Variants in MYO9B observed in about 807,000 individuals in gnomAD.
MYO9B encodes the protein myosin IXB.
A neutral mutation model predicts 229.5 loss-of-function variants in MYO9B; 71 were observed. The ratio of observed to expected loss-of-function variants is 0.31; its 90% CI spans 0.26 to 0.38. The LOEUF is 0.38. MYO9B is among the 10% of genes least tolerant of loss of function. The pLI is 1.00. For missense variants in MYO9B, 2,255 were observed against 2,920.5 expected (o/e 0.77, Z 5.25); for synonymous variants, 1,185 against 1,235.8 (o/e 0.96, Z 0.86).
chr19:17,081,403 C>G (rs2057532692), intron 1 of MYO9B, among the ~76,000 whole-genome samples: 1 of 152,190 alleles, frequency 6.6e-6, no homozygotes, highest in African/African-American at 2.4e-5. Context: ...CATTTTGTCT[C>G]TTCTCACTCC....
intron 36 of MYO9B, 33 bp downstream of exon 36, chr19:17,209,742 T>C: frequency 6.2e-7 from 1 of 1,610,544 alleles, no homozygotes; most frequent in Non-Finnish European, 8.5e-7. Context: ...GCGGGACCTC[T>C]TTGGTGGGGC....
At chr19:17,211,192 G>C (rs2073224842) in intron 38 of MYO9B, among the ~76,000 whole-genome samples, 1 of 151,922 alleles carries the variant, frequency 6.6e-6, no homozygotes, top group Admixed American at 6.6e-5. Context: ...CATTGGCCAG[G>C]CTGGTCTTGA....
intron 2 of MYO9B, among the ~76,000 whole-genome samples, chr19:17,127,736 A>C (rs8105409): frequency 0.015 from 2,259 of 152,310 alleles, 61 homozygotes; most frequent in African/African-American, 0.049. Context: ...TGGTACCAGG[A>C]GGGTGTCCTC....
At chr19:17,134,371 CG>C (rs2072240668) in intron 2 of MYO9B, among the ~76,000 whole-genome samples, 2 of 81,270 alleles carry the variant, frequency 2.5e-5, no homozygotes, top group Admixed American at 2.5e-4. Context: ...TTTTTTTTTT[CG>C]TTTTGTTTGT....
intron 1 of MYO9B, among the ~76,000 whole-genome samples, chr19:17,098,361 C>T (rs1400803374): frequency 1.3e-5 from 2 of 152,118 alleles, no homozygotes; most frequent in Non-Finnish European, 2.9e-5. Context: ...GGTCTTAGAA[C>T]CCCTCTTAGA....
At chr19:17,148,813 G>C (rs1388625753) in intron 3 of MYO9B, among the ~76,000 whole-genome samples, 3 of 151,954 alleles carry the variant, frequency 2.0e-5, no homozygotes, top group African/African-American at 7.3e-5. Flanking sequence ...CAAACTCCTG[G>C]CCTCAAGTGA....
At chr19:17,145,178 A>G (rs967281422) in intron 2 of MYO9B, among the ~76,000 whole-genome samples, 1 of 152,044 alleles carries the variant, frequency 6.6e-6, no homozygotes, top group Admixed American at 6.6e-5. Flanking sequence ...CAGGAGGCTG[A>G]GGCATGAGAA....
In MYO9B at chr19:17,211,906, C is replaced by T; in HGVS notation, c.6070C>T (p.Pro2024Ser). ...GRGASEGPPA[P>S]ALPCPGAPTP... ...CTGTCTCTCAAAAGGGCCCCCTGCG[C>T]CTGCTCTCCCTTGCCCCGGCGCGCC... Residue 2024 changes from proline (P) to serine (S), a missense_variant, in exon 40 of 40, where the codon CCT becomes TCT. Physicochemically the swap from Pro to Ser is moderately conservative, Grantham distance 74. Around this residue, in one of 7 missense-constraint regions of MYO9B, gnomAD observed 331 missense variants for 332.5 expected, o/e 1.00. Coordinates refer to ENST00000682292, the MANE Select transcript of MYO9B (RefSeq NM_004145.4). 6.3e-7 allele frequency: 1 copy of T among 1,580,494 alleles called. No individual in the cohort carries two copies. Among genetic ancestry groups the T allele is most frequent in the South Asian group, 1.1e-5 (1 of 87,238 alleles).
intron 2 of MYO9B, among the ~76,000 whole-genome samples, chr19:17,113,835 G>A (rs2057873117): frequency 6.6e-6 from 1 of 152,120 alleles, no homozygotes; most frequent in Non-Finnish European, 1.5e-5. Context: ...GACGGGGCAG[G>A]GCAAACCCCA....
At chr19:17,137,659 C>A (rs1325013468) in intron 2 of MYO9B, among the ~76,000 whole-genome samples, 1 of 152,164 alleles carries the variant, frequency 6.6e-6, no homozygotes, top group Non-Finnish European at 1.5e-5. Flanking sequence ...CCAGCCACAG[C>A]AACTGTCCGG....
Position 17,200,786 on chromosome 19 carries a change from A to G in MYO9B, c.4520A>G (p.Asn1507Ser). ...GAATCGGTGTTCCGCCAGATCACCA[A>G]CGCCAATGAGCTCAAGTACCTGGAC... is the stretch of plus-strand genomic sequence containing the variant. Reference protein sequence around the residue: ...WRESVFRQITNANELKYLDEF... With the variant: ...WRESVFRQITSANELKYLDEF... The change falls in exon 26 of 40, where the codon AAC becomes AGC. Residue 1507 changes from asparagine to serine, a missense_variant. Asn to Ser is a conservative substitution (Grantham distance 46). Transcript: ENST00000682292. The G allele has an allele frequency of 1.2e-6, 2 of 1,614,022 alleles. No individual in the cohort carries two copies. The highest frequency in any genetic ancestry group is 1.7e-6 in the Non-Finnish European group (2 of 1,179,898).
chr19:17,116,009 C>G (rs1011720159), intron 2 of MYO9B, among the ~76,000 whole-genome samples: 4 of 107,212 alleles, frequency 3.7e-5, no homozygotes, highest in African/African-American at 1.6e-4. Context: ...GCGGAGCTAA[C>G]TCACTCTGTC....
In MYO9B at chr19:17,181,014, GCTC is replaced by G. The variant is rs745315689; in HGVS notation, c.2309_2311del (p.Leu770del). 1.3e-5 allele frequency: 21 copies of G among 1,610,464 alleles called. No individual in the cohort carries two copies. Among genetic ancestry groups the G allele is most frequent in the Admixed American group, 5.1e-5 (3 of 59,354 alleles). On this transcript the variant is annotated inframe_deletion, in exon 15 of 40. Transcript: ENST00000682292. ...GTAGCCTTCTCCAGTCCCTCAGTCG[GCTC>G]CAGAAACCCCGCGCCTTCATCCTGT...
Position 17,201,935 on chromosome 19 carries a change from C to T in MYO9B, c.4573C>T (p.Leu1525Phe). ...TCCTCTCCCCTTCCAGATAAATGACCTCCGTTCCCAGAAGACGCCCATTGA... is the reference window on the plus strand; with the variant it reads ...TCCTCTCCCCTTCCAGATAAATGACTTCCGTTCCCAGAAGACGCCCATTGA... Reference protein sequence around the residue: ...DEFLLNKINDLRSQKTPIESL... With the variant: ...DEFLLNKINDFRSQKTPIESL... Residue 1525 changes from leucine (L) to phenylalanine (F), a missense_variant, in exon 27 of 40, where the codon CTC becomes TTC. Physicochemically the swap from Leu to Phe is conservative, Grantham distance 22 (BLOSUM62 0). This residue lies in a region of MYO9B where 416 missense variants were observed against 605.5 expected (regional missense o/e 0.69). Coordinates refer to ENST00000682292, the MANE Select transcript of MYO9B (RefSeq NM_004145.4). The T allele has an allele frequency of 6.2e-7, 1 of 1,612,432 alleles. No homozygotes were observed. Among genetic ancestry groups the T allele is most frequent in the Admixed American group, 1.7e-5 (1 of 59,834 alleles).
chr19:17,200,610 C>A, intron 25 of MYO9B, 29 bp from the exon 26 acceptor site: 1 of 1,589,208 alleles, frequency 6.3e-7, no homozygotes, highest in Non-Finnish European at 8.6e-7. Context: ...TGAACCCACC[C>A]TCACCGGCTG....
chr19:17,081,780 C>T (rs891389133), intron 1 of MYO9B, among the ~76,000 whole-genome samples: 1 of 140,280 alleles, frequency 7.1e-6, no homozygotes, highest in Non-Finnish European at 1.5e-5. Context: ...CACTGCACTC[C>T]AGCCTGGGCA....
At position 17,090,820 on chromosome 19, in the gene MYO9B, G is replaced by A. The variant is rs899749703; in HGVS notation, c.-58-10840G>A. Among the ~76,000 whole-genome samples, 7 of 152,250 alleles carry A rather than the reference G, an allele frequency of 4.6e-5. No homozygotes were observed. The South Asian group carries it at 8.3e-4, about 18-fold the overall frequency. ...CAAAACACAACCATAACCCGAGGTC[G>A]CCACTTGGCTGAGCTGTCCCCCACA... On this transcript the variant is annotated intron_variant, in intron 1 of 39. Transcript: ENST00000682292.
chr19:17,109,648 G>A (rs1394431879), intron 2 of MYO9B, among the ~76,000 whole-genome samples: 2 of 152,166 alleles, frequency 1.3e-5, no homozygotes, highest in Non-Finnish European at 2.9e-5. Context: ...CCCTCTGGAG[G>A]CTCTGAGGGA....
At chr19:17,175,473 G>A (rs1599393583) in intron 13 of MYO9B, among the ~76,000 whole-genome samples, 190 bp from the exon 14 acceptor site, 1 of 152,152 alleles carries the variant, frequency 6.6e-6, no homozygotes, top group East Asian at 1.9e-4. Flanking sequence ...TAGCTACTCA[G>A]GAGGCGGAGG....
Sources: allele counts gnomAD v4.1 joint callset (sites outside exome capture counted in the v4.1 genomes callset), GRCh38; gene constraint gnomAD v4.1.1; regional missense constraint gnomAD v4.1.1; transcripts MANE v1.5; gene names NCBI Gene and HGNC (gene_info 2026-07-23, HGNC 2026-07-21).